The following LARGE1 variants were observed in gnomAD, a reference collection of about 807,000 sequenced individuals.
LARGE1 encodes the protein LARGE xylosyl- and glucuronyltransferase 1, also known as xylosyl- and glucuronyltransferase LARGE1.
A neutral mutation model predicts 87.6 loss-of-function variants in LARGE1; 43 were observed. That is an observed-to-expected ratio of 0.49 (90% CI 0.38 to 0.63). LARGE1 has a LOEUF of 0.63. LARGE1 is among the 30% of genes least tolerant of loss of function. The pLI is 0.00. For synonymous variants in LARGE1, 434 were observed against 394.6 expected, an observed-to-expected ratio of 1.10 and a Z score of -1.18; for missense variants, 802 against 1,000.2, an observed-to-expected ratio of 0.80 and a Z score of 2.67.
chr22:33,471,521 T>A (rs1159764791), intron 6 of LARGE1, among the ~76,000 whole-genome samples: 1 of 152,226 alleles, frequency 6.6e-6, no homozygotes, highest in Non-Finnish European at 1.5e-5. Flanking sequence ...TTCTCTCTCA[T>A]CATGAATTTT....
intron 5 of LARGE1, among the ~76,000 whole-genome samples, chr22:33,602,033 T>A (rs2079126153): frequency 6.6e-6 from 1 of 152,096 alleles, no homozygotes; most frequent in Non-Finnish European, 1.5e-5. Flanking sequence ...GTTGATGGAC[T>A]TCACAACCGG....
chr22:33,704,203 G>A (rs1040150635), intron 2 of LARGE1, among the ~76,000 whole-genome samples: 2 of 152,128 alleles, frequency 1.3e-5, no homozygotes, highest in South Asian at 2.1e-4. Flanking sequence ...ATAAAACAAA[G>A]GAATATGGAA....
intron 6 of LARGE1, among the ~76,000 whole-genome samples, chr22:33,504,420 C>T (rs1021317513): frequency 5.9e-5 from 9 of 152,116 alleles, no homozygotes; most frequent in African/African-American, 9.7e-5. Flanking sequence ...CCGCCATCCC[C>T]GGCTAATTTT....
intron 11 of LARGE1, among the ~76,000 whole-genome samples, chr22:33,243,982 TTTTTGTTTTG>T (rs910472729): frequency 4.6e-5 from 7 of 152,020 alleles, no homozygotes; most frequent in South Asian, 2.1e-4. Context: ...GGTTTACAGT[TTTTTGTTTTG>T]TTTTGTTTTG....
intron 1 of LARGE1, among the ~76,000 whole-genome samples, chr22:33,802,016 C>G (rs1226024741): frequency 6.7e-6 from 1 of 149,182 alleles, no homozygotes; most frequent in Non-Finnish European, 1.5e-5. Context: ...TGAAAAAATG[C>G]CTGATAACTA....
intron 1 of LARGE1, among the ~76,000 whole-genome samples, chr22:33,903,789 C>T (rs2065354487): frequency 6.6e-6 from 1 of 152,132 alleles, no homozygotes; most frequent in Admixed American, 6.5e-5. Context: ...CGCACCACTG[C>T]ACCCTAGCCT....
the LARGE1 span, among the ~76,000 whole-genome samples, chr22:33,142,852 C>T: frequency 6.6e-6 from 1 of 152,090 alleles, no homozygotes; most frequent in Non-Finnish European, 1.5e-5. Flanking sequence ...GCCTGGCTGG[C>T]ACATGTGAGG....
intron 2 of LARGE1, among the ~76,000 whole-genome samples, chr22:33,653,345 T>C (rs538773533): frequency 1.4e-4 from 21 of 152,346 alleles, no homozygotes; most frequent in African/African-American, 4.8e-4. Context: ...CAAGGTCTCC[T>C]GGACTTTGAG....
At chr22:33,455,310 A>G (rs946397092) in intron 6 of LARGE1, among the ~76,000 whole-genome samples, 10 of 152,210 alleles carry the variant, frequency 6.6e-5, no homozygotes, top group Admixed American at 6.5e-4. Flanking sequence ...GGTGCTTACC[A>G]AGAGTGACTT....
chr22:33,877,352 G>A (rs751606330), intron 1 of LARGE1, among the ~76,000 whole-genome samples: 8 of 152,016 alleles, frequency 5.3e-5, no homozygotes, highest in Non-Finnish European at 1.0e-4. Flanking sequence ...CCCAGTCTAC[G>A]CCAAATGAAA....
the LARGE1 span, among the ~76,000 whole-genome samples, chr22:33,122,221 T>C: frequency 2.6e-5 from 4 of 152,176 alleles, no homozygotes; most frequent in Non-Finnish European, 4.4e-5. Flanking sequence ...ATTTCTGCAT[T>C]CAAGATCTTA....
chr22:33,602,055 G>A (rs1185888664), intron 5 of LARGE1, among the ~76,000 whole-genome samples: 2 of 151,968 alleles, frequency 1.3e-5, no homozygotes, highest in East Asian at 1.9e-4. Context: ...CACACCACCC[G>A]AGTGCATTTT....
intron 12 of LARGE1, among the ~76,000 whole-genome samples, chr22:33,299,931 C>T (rs1473047765): frequency 6.6e-6 from 1 of 152,226 alleles, no homozygotes; most frequent in Non-Finnish European, 1.5e-5. Flanking sequence ...AGCTATTGTC[C>T]ATGCGTACAG....
chr22:33,618,057 C>A (rs1208312655), intron 4 of LARGE1, among the ~76,000 whole-genome samples: 3 of 152,142 alleles, frequency 2.0e-5, no homozygotes, highest in Non-Finnish European at 4.4e-5. Flanking sequence ...AATGCAATGG[C>A]AAACTTAGGA....
chr22:33,656,363 T>C (rs945156378), intron 2 of LARGE1, among the ~76,000 whole-genome samples: 1 of 152,160 alleles, frequency 6.6e-6, no homozygotes, highest in Non-Finnish European at 1.5e-5. Flanking sequence ...GTGAGACTTA[T>C]TCACTACCAT....
intron 7 of LARGE1, among the ~76,000 whole-genome samples, chr22:33,394,090 A>AAG (rs1023678016): frequency 1.3e-4 from 20 of 152,172 alleles, no homozygotes; most frequent in Middle Eastern, 3.4e-3. Flanking sequence ...CCAAAAAAAA[A>AAG]AAAAAAAAGA....
chr22:33,741,316 A>G (rs1569419414), intron 2 of LARGE1, among the ~76,000 whole-genome samples: 1 of 152,224 alleles, frequency 6.6e-6, no homozygotes, highest in Non-Finnish European at 1.5e-5. Context: ...TGTCAGAAAT[A>G]GGAACACCAC....
intron 1 of LARGE1, among the ~76,000 whole-genome samples, chr22:33,834,021 C>T (rs994024997): frequency 6.6e-6 from 1 of 152,052 alleles, no homozygotes; most frequent in Non-Finnish European, 1.5e-5. Flanking sequence ...CACTGGAATT[C>T]GGGGAAGCTG....
chr22:33,776,393 A>C (rs2085238213), intron 1 of LARGE1, among the ~76,000 whole-genome samples: 1 of 152,212 alleles, frequency 6.6e-6, no homozygotes, highest in South Asian at 2.1e-4. Flanking sequence ...TCCACTTACA[A>C]TATTAACCTC....
Sources: allele counts gnomAD v4.1 joint callset (sites outside exome capture counted in the v4.1 genomes callset), GRCh38; gene constraint gnomAD v4.1.1; transcripts MANE v1.5; gene names NCBI Gene and HGNC (gene_info 2026-07-23, HGNC 2026-07-21).